Variants in NT5C3A observed in about 807,000 individuals in gnomAD.
NT5C3A encodes the protein cytosolic 5'-nucleotidase 3A.
A neutral mutation model predicts 40.0 loss-of-function variants in NT5C3A; 23 were observed. The ratio of observed to expected loss-of-function variants is 0.58; its 90% CI spans 0.41 to 0.81. The LOEUF (loss-of-function observed/expected upper bound fraction) is 0.81. Among genes scored for constraint, NT5C3A ranks in the 40% least tolerant of loss-of-function variants. The pLI is 0.00. For missense variants in NT5C3A, 328 were observed against 403.0 expected (o/e 0.81, Z 1.59); for synonymous variants, 130 against 141.4 (o/e 0.92, Z 0.57).
At chr7:33,030,502 C>A (rs1786186141) in intron 1 of NT5C3A, among the ~76,000 whole-genome samples, 1 of 152,008 alleles carries the variant, frequency 6.6e-6, no homozygotes, top group South Asian at 2.1e-4. Flanking sequence ...AAATAAGAAG[C>A]TAAAAATTTC....
intron 1 of NT5C3A, among the ~76,000 whole-genome samples, chr7:33,037,526 A>C (rs1293560387): frequency 6.6e-6 from 1 of 152,182 alleles, no homozygotes; most frequent in African/African-American, 2.4e-5. Context: ...GTTCTTTATA[A>C]TTAAAAGGTG....
chr7:33,033,877 CATATAT>C (rs1554291562), intron 1 of NT5C3A, among the ~76,000 whole-genome samples: 15 of 125,970 alleles, frequency 1.2e-4, no homozygotes, highest in Non-Finnish European at 2.0e-4. Flanking sequence ...ATATAAAAGA[CATATAT>C]ATATATATAT....
chr7:33,051,487 A>G (rs1339191802), intron 1 of NT5C3A, among the ~76,000 whole-genome samples: 1 of 152,086 alleles, frequency 6.6e-6, no homozygotes, highest in Non-Finnish European at 1.5e-5. Flanking sequence ...AAAGCAAACA[A>G]AAGAGGTAAA....
At chr7:33,021,503 G>C in intron 4 of NT5C3A, 146 bp from the exon 5 acceptor site, 1 of 1,040,618 alleles carries the variant, frequency 9.6e-7, no homozygotes, top group Non-Finnish European at 1.4e-6. Flanking sequence ...AATATTTGTT[G>C]ATCTTAGTTG....
chr7:33,048,362 T>C (rs1174844652), intron 1 of NT5C3A, among the ~76,000 whole-genome samples: 1 of 152,088 alleles, frequency 6.6e-6, no homozygotes, highest in African/African-American at 2.4e-5. Context: ...TAGTTTAAAA[T>C]AAACAAATTC....
At position 33,062,710 on chromosome 7, in the gene NT5C3A, G is replaced by T. The variant is rs200687813; in HGVS notation, c.-5C>A. ...CGCCACGGCCGCGCGGTCCATGGAC[G>T]GGGCCCTCATGCGCGTCCAAGCAGG... On this transcript the variant is annotated 5_prime_UTR_variant, in exon 1 of 9. Coordinates refer to ENST00000610140, the MANE Select transcript of NT5C3A (RefSeq NM_001002010.5). 1.3e-4 allele frequency: 208 copies of T among 1,560,112 alleles called. No individual in the cohort carries two copies. The African/African-American group carries it at 1.9e-3, about 14-fold the overall frequency.
intron 1 of NT5C3A, chr7:33,038,704 G>A (rs1233664437): frequency 5.5e-6 from 2 of 364,846 alleles, no homozygotes. Context: ...AGACTCAGGT[G>A]TAAAATGTCA....
intron 1 of NT5C3A, among the ~76,000 whole-genome samples, chr7:33,043,587 G>T (rs1448289098): frequency 6.6e-6 from 1 of 152,216 alleles, no homozygotes; most frequent in Non-Finnish European, 1.5e-5. Flanking sequence ...GGCATGAAAA[G>T]ATGGCTGGTA....
intron 3 of NT5C3A, 25 bp from the exon 4 acceptor site, chr7:33,022,124 AT>A: frequency 8.2e-7 from 1 of 1,213,800 alleles, no homozygotes. Context: ...CAAAATAAGC[AT>A]TAAAAGAAAT....
Position 33,027,021 on chromosome 7 carries a change from G to T in NT5C3A, c.139-106C>A, listed in dbSNP as rs1375864465. On this transcript the variant is annotated intron_variant, in intron 1 of 8. Coordinates refer to ENST00000610140, the MANE Select transcript of NT5C3A (RefSeq NM_001002010.5). ...TATTTAAAGACATAAAAATATTAAG[G>T]CATTATTTTTAAAAAGCAAGCCACC... The T allele has an allele frequency of 4.2e-5, 30 of 711,788 alleles. No homozygotes were observed. The Admixed American group carries it at 5.9e-4, about 14-fold the overall frequency. 44.1% of individuals were successfully genotyped at this position (711,788 alleles called of 1,614,324 possible).
chr7:33,049,969 C>CAAAAAAAAAAAAAAAAAA (rs61035673), intron 1 of NT5C3A, among the ~76,000 whole-genome samples: 1 of 58,462 alleles, frequency 1.7e-5, no homozygotes. Flanking sequence ...GACTCCATCT[C>CAAAAAAAAAAAAAAAAAA]AAAAAAAAAA....
chr7:33,017,674 G>T, intron 6 of NT5C3A, 73 bp from the exon 7 acceptor site: 1 of 1,177,604 alleles, frequency 8.5e-7, no homozygotes, highest in Non-Finnish European at 1.3e-6. Context: ...AGCTAAAAAA[G>T]TGAAATATTC....
chr7:33,036,290 G>T, intron 1 of NT5C3A: 1 of 394,658 alleles, frequency 2.5e-6, no homozygotes, highest in South Asian at 2.2e-5. Flanking sequence ...CGTGTTTCCA[G>T]ATCAGACTAT....
At chr7:33,061,539 A>G (rs555900832) in intron 1 of NT5C3A, among the ~76,000 whole-genome samples, 7 of 152,324 alleles carry the variant, frequency 4.6e-5, no homozygotes, top group African/African-American at 1.7e-4. Flanking sequence ...GCTAATTTTA[A>G]TTATGCAAAT....
At chr7:33,034,182 C>T (rs1399437472) in intron 1 of NT5C3A, among the ~76,000 whole-genome samples, 9 of 152,066 alleles carry the variant, frequency 5.9e-5, no homozygotes, top group East Asian at 1.9e-4. Flanking sequence ...TGAGCCACCG[C>T]GCCCGGCCAG....
intron 8 of NT5C3A, among the ~76,000 whole-genome samples, chr7:33,015,405 A>T (rs956507468): frequency 6.6e-6 from 1 of 152,132 alleles, no homozygotes; most frequent in African/African-American, 2.4e-5. Context: ...TCTAAAAAAA[A>T]TTTAAAAATC....
chr7:33,031,386 G>A (rs1387226648), intron 1 of NT5C3A, among the ~76,000 whole-genome samples: 3 of 151,278 alleles, frequency 2.0e-5, no homozygotes, highest in East Asian at 2.0e-4. Flanking sequence ...TCAGCAGCTC[G>A]AGACCAGGCT....
At chr7:33,062,450 G>C (rs996852271) in intron 1 of NT5C3A, 118 bp downstream of exon 1, 128 of 909,792 alleles carry the variant, frequency 1.4e-4, no homozygotes, top group Non-Finnish European at 1.5e-4. Flanking sequence ...CAGCCTGACA[G>C]GCGACGCCGG....
rs568213620 is a variant in NT5C3A, at chr7:33,036,894, C to T, written c.139-9979G>A. ...TGGCATGATCTCAGCTCACTGCAAC[C>T]TCTGATTCCCGGGTTCAAGTGATTC... On this transcript the variant is annotated intron_variant, in intron 1 of 8. Coordinates refer to ENST00000610140, the MANE Select transcript of NT5C3A (RefSeq NM_001002010.5). Among the ~76,000 whole-genome samples the T allele has an allele frequency of 1.6e-4, 24 of 152,278 alleles. 1 individual carries two copies. In the South Asian group the frequency reaches 4.6e-3, roughly 29 times the overall value.
Sources: allele counts gnomAD v4.1 joint callset (sites outside exome capture counted in the v4.1 genomes callset), GRCh38; gene constraint gnomAD v4.1.1; transcripts MANE v1.5; gene names NCBI Gene and HGNC (gene_info 2026-07-23, HGNC 2026-07-21).